CD47: variants seen among roughly 807,000 people sequenced by gnomAD.
CD47 encodes leukocyte surface antigen CD47.
CD47 carries 11 observed loss-of-function variants against 44.6 expected under a neutral mutation model. The ratio of observed to expected loss-of-function variants is 0.25; its 90% CI spans 0.16 to 0.41. CD47 has a LOEUF of 0.41. Ranked by LOEUF, CD47 falls within the 10% of genes least tolerant of loss-of-function variation. The probability of loss-of-function intolerance (pLI) is 1.00; values close to 1 mark genes in which losing one functional copy is unlikely to be tolerated. For missense variants in CD47, 306 were observed against 386.7 expected (o/e 0.79, Z 1.75); for synonymous variants, 140 against 136.3 (o/e 1.03, Z -0.19).
At position 108,057,491 on chromosome 3, in the gene CD47, TA is replaced by T; in HGVS notation, c.862del (p.Tyr288IlefsTer2). ...GATTGACTTACCCACAAATTTCATA[TA>T]AACTAGTCCAAGTAATTGTGCTAGA... ...LALAQLLGLVYMKFVASNQKT... is the reference protein window; with the variant it reads ...LALAQLLGLVXMKFVASNQKT... On this transcript the variant is annotated frameshift_variant, in exon 7 of 11. Transcript: ENST00000361309. LOFTEE classifies it high-confidence loss of function. The T allele has an allele frequency of 6.6e-7, 1 of 1,519,148 alleles. No individual in the cohort carries two copies. Among genetic ancestry groups the T allele is most frequent in the Non-Finnish European group, 9.1e-7 (1 of 1,094,948 alleles). The allele number at this position is 1,519,148 out of a possible 1,614,324, so 94.1% of individuals were successfully genotyped here.
At chr3:108,060,231 T>C (rs1466957349) in intron 4 of CD47, among the ~76,000 whole-genome samples, 1 of 152,170 alleles carries the variant, frequency 6.6e-6, no homozygotes, top group Non-Finnish European at 1.5e-5. Flanking sequence ...CCTGTGAATA[T>C]TACCTAATAC....
chr3:108,085,411 C>G (rs1280053719), intron 1 of CD47, among the ~76,000 whole-genome samples: 2 of 152,048 alleles, frequency 1.3e-5, no homozygotes, highest in African/African-American at 4.8e-5. Context: ...TGGTATATAC[C>G]TCATAGAGAT....
chr3:108,075,529 G>C (rs1434612547), intron 2 of CD47, among the ~76,000 whole-genome samples: 1 of 152,116 alleles, frequency 6.6e-6, no homozygotes, highest in African/African-American at 2.4e-5. Context: ...TTTCAGGATT[G>C]TGATGGCTTT....
At position 108,044,654 on chromosome 3, in the gene CD47, C is replaced by G. The variant is rs536770772; in HGVS notation, c.*2634G>C. On this transcript the variant is annotated 3_prime_UTR_variant, in exon 11 of 11. Transcript: ENST00000361309. The stretch of plus-strand genomic sequence containing the variant: ...CAAGGAGAAGAGCAAGGCCAAAAAA[C>G]TAATAGAACTAAGCAGAGATGCATA... 1 of 152,134 alleles carries G rather than the reference C, an allele frequency of 6.6e-6. No homozygotes were observed. Among genetic ancestry groups the G allele is most frequent in the African/African-American group, 2.4e-5 (1 of 41,486 alleles). The allele number at this position is 152,134 out of a possible 1,614,324, so 9.4% of individuals were successfully genotyped here. A position where few individuals can be genotyped will look rare whatever the true frequency, so the allele number is the denominator to read the frequency against.
intron 6 of CD47, among the ~76,000 whole-genome samples, chr3:108,058,135 C>T (rs756776764): frequency 3.9e-4 from 59 of 151,890 alleles, no homozygotes; most frequent in Non-Finnish European, 7.2e-4. Flanking sequence ...TGGTATTTGC[C>T]CAAATGGAAT....
chr3:108,090,733 C>G, intron 1 of CD47, 130 bp downstream of exon 1: 4 of 761,818 alleles, frequency 5.3e-6, no homozygotes, highest in Non-Finnish European at 7.4e-6. Context: ...ACTTCGGGCG[C>G]TCAGGGCCCG....
intron 3 of CD47, among the ~76,000 whole-genome samples, chr3:108,061,751 A>T (rs918911293): frequency 1.7e-4 from 26 of 152,212 alleles, no homozygotes; most frequent in African/African-American, 6.3e-4. Context: ...CTAAAAGCAA[A>T]CTGAGTAGCG....
chr3:108,055,415 C>T (rs1435500697), intron 7 of CD47: 1 of 589,966 alleles, frequency 1.7e-6, no homozygotes, highest in East Asian at 7.6e-5. Flanking sequence ...AATTTGCAAC[C>T]TTAATGTTAC....
intron 1 of CD47, among the ~76,000 whole-genome samples, chr3:108,080,674 T>C (rs2079400272): frequency 6.6e-6 from 1 of 151,886 alleles, no homozygotes; most frequent in Non-Finnish European, 1.5e-5. Context: ...AAGTAATCAT[T>C]ACTGCCTACT....
chr3:108,080,128 A>T lies in CD47; in HGVS notation c.263T>A (p.Val88Asp). 6.2e-7 allele frequency: 1 copy of T among 1,612,964 alleles called. No homozygotes were observed. The highest frequency in any genetic ancestry group is 8.5e-7 in the Non-Finnish European group (1 of 1,179,078). The change falls in exon 2 of 11, where the codon GTC becomes GAC. Residue 88 changes from valine to aspartate, a missense_variant. By Grantham distance (152) the Val-to-Asp change is radical. Transcript: ENST00000361309. ...GGCATCTCCTTTTAGTAATTGTGAG[A>T]CTTCAATTTTTGCACTACTAAAGTC... ...PTDFSSAKIE[V>D]SQLLKGDASL... is the part of the protein sequence containing the mutation.
rs1244689661 is a variant in CD47, at chr3:108,048,669, C to G, written c.967+950G>C. Among the ~76,000 whole-genome samples, 7 of 151,860 alleles carry G rather than the reference C, an allele frequency of 4.6e-5. No homozygotes were observed. In the East Asian group the frequency reaches 1.4e-3, roughly 29 times the overall value. ...AAAGTGCTGGGATTACAGGCGTGAG[C>G]CACCGCGCCCGGCCGACTGGAGTGT... On this transcript the variant is annotated intron_variant, in intron 10 of 10. Transcript: ENST00000361309.
rs1173291018 is a variant in CD47, at chr3:108,049,121, TC to T, written c.967+497del. ...CTCTCTCTCTCTCTCTCTCTCTCTC[TC>T]TCTCTCTCTCTCTCTCTCTCTCAAC... On this transcript the variant is annotated intron_variant, in intron 10 of 10. Coordinates refer to ENST00000361309, the MANE Select transcript of CD47 (RefSeq NM_001777.4). Among the ~76,000 whole-genome samples, 10 of 149,562 alleles carry T rather than the reference TC, an allele frequency of 6.7e-5. 1 individual carries two copies. Among genetic ancestry groups the T allele is most frequent in the African/African-American group, 2.5e-4 (10 of 40,390 alleles).
chr3:108,047,924 A>C (rs2078747590), intron 10 of CD47, among the ~76,000 whole-genome samples: 1 of 152,252 alleles, frequency 6.6e-6, no homozygotes. Flanking sequence ...TAAAAAAGTC[A>C]CATCTTAAGA....
rs1018241268 is a variant in CD47 at position 108,070,753 on chromosome 3, C to T, written c.490+340G>A. On this transcript the variant is annotated intron_variant, in intron 3 of 10. Transcript: ENST00000361309. ...ACCTTAAAACTAATGCAGGCTGTCACCACCTGTTTACCTAATAACATAATG... is the reference window on the plus strand; with the variant it reads ...ACCTTAAAACTAATGCAGGCTGTCATCACCTGTTTACCTAATAACATAATG... Among the ~76,000 whole-genome samples the T allele has an allele frequency of 4.6e-5, 7 of 152,134 alleles. 1 individual carries two copies. The highest frequency in any genetic ancestry group is 3.3e-4 in the Admixed American group (5 of 15,262).
At position 108,079,977 on chromosome 3, in the gene CD47, C is replaced by T. The variant is rs373838707; in HGVS notation, c.400+14G>A. 1.3e-6 allele frequency: 2 copies of T among 1,560,296 alleles called. No homozygotes were observed. Among genetic ancestry groups the T allele is most frequent in the African/African-American group, 2.7e-5 (2 of 72,882 alleles). On this transcript the variant is annotated intron_variant, in intron 2 of 10. Coordinates refer to ENST00000361309, the MANE Select transcript of CD47 (RefSeq NM_001777.4). ...CAGGACAAATAAAAAAAGAAGCTTT[C>T]ATAGAAGTCTTACCAACACGATATT...
chr3:108,073,847 T>C (rs1476621973), intron 2 of CD47, among the ~76,000 whole-genome samples: 1 of 152,204 alleles, frequency 6.6e-6, no homozygotes, highest in East Asian at 1.9e-4. Context: ...GAGAAGGGTG[T>C]GACCAACAAA....
chr3:108,069,774 C>CT (rs1478017822), intron 3 of CD47, among the ~76,000 whole-genome samples: 1 of 152,150 alleles, frequency 6.6e-6, no homozygotes, highest in Non-Finnish European at 1.5e-5. Context: ...AGGCTGTTCC[C>CT]TGCCCAAGTC....
chr3:108,081,938 A>G (rs2079428083), intron 1 of CD47, among the ~76,000 whole-genome samples: 1 of 151,916 alleles, frequency 6.6e-6, no homozygotes. Flanking sequence ...CCAGTTTTCT[A>G]CATTTCTAGC....
At chr3:108,052,995 A>G (rs1415594790) in intron 7 of CD47, 5 of 152,822 alleles carry the variant, frequency 3.3e-5, no homozygotes, top group Non-Finnish European at 5.8e-5. Context: ...AAAAAAACAA[A>G]TAAATACAGA....
Sources: gnomAD v4.1 joint callset for allele counts (sites outside exome capture counted in the v4.1 genomes callset) on GRCh38, gnomAD v4.1.1 for gene constraint, MANE v1.5 for transcripts, NCBI Gene and HGNC (gene_info 2026-07-23, HGNC 2026-07-21) for gene names.